The following ADGRL3 variants were observed in gnomAD, a reference collection of about 807,000 sequenced individuals.
The protein encoded by ADGRL3 is calcium-independent alpha-latrotoxin receptor 3.
In ADGRL3, 62 loss-of-function variants were observed where a neutral mutation model predicts 153.5. The ratio of observed to expected loss-of-function variants is 0.40; its 90% CI spans 0.33 to 0.50. The LOEUF (loss-of-function observed/expected upper bound fraction) is 0.50, where lower values mean the gene tolerates loss of function less well. Among genes scored for constraint, ADGRL3 ranks in the 20% least tolerant of loss-of-function variants. ADGRL3 has a pLI of 0.47. For missense variants in ADGRL3, 1,641 were observed against 1,859.4 expected (o/e 0.88, Z 2.16); for synonymous variants, 710 against 672.5 (o/e 1.06, Z -0.86).
rs755119168 is a variant in ADGRL3 at position 61,575,926 on chromosome 4, TA to T, written c.260-11299del. Among the ~76,000 whole-genome samples, 30 of 152,168 alleles carry T rather than the reference TA, an allele frequency of 2.0e-4. 1 individual carries two copies. In the East Asian group the frequency reaches 3.1e-3, roughly 16 times the overall value. The stretch of plus-strand genomic sequence containing the variant: ...TTGTGGGAGGGAAAATGTGTTTTAT[TA>T]ACCCCAATGGTATATTTTGTGGTTG... On this transcript the variant is annotated intron_variant, in intron 4 of 26. Transcript: ENST00000683033.
chr4:61,409,266 G>GACATACATAATATATATTATATATTAA (rs2097050581), intron 2 of ADGRL3, among the ~76,000 whole-genome samples: 1 of 133,500 alleles, frequency 7.5e-6, no homozygotes, highest in African/African-American at 2.8e-5. Context: ...TTATATATTA[G>GACATACATAATATATATTATATATTAA]ACATACATAA....
At chr4:61,702,873 C>T (rs1302705141) in intron 6 of ADGRL3, among the ~76,000 whole-genome samples, 1 of 152,082 alleles carries the variant, frequency 6.6e-6, no homozygotes, top group African/African-American at 2.4e-5. Flanking sequence ...GTAGTTGAAG[C>T]TTCACTCCTG....
At chr4:61,609,614 A>G (rs1264599740) in intron 5 of ADGRL3, among the ~76,000 whole-genome samples, 1 of 152,114 alleles carries the variant, frequency 6.6e-6, no homozygotes, top group Non-Finnish European at 1.5e-5. Flanking sequence ...TGTTTTGAGT[A>G]TCTTAGAGTT....
At chr4:61,958,465 A>G (rs544671055) in intron 17 of ADGRL3, among the ~76,000 whole-genome samples, 14 of 151,212 alleles carry the variant, frequency 9.3e-5, no homozygotes, top group Non-Finnish European at 1.6e-4. Flanking sequence ...GGATTGTGTT[A>G]GTTCATTTTC....
chr4:61,787,470 T>A (rs2097291018), intron 8 of ADGRL3, among the ~76,000 whole-genome samples: 1 of 152,094 alleles, frequency 6.6e-6, no homozygotes, highest in Non-Finnish European at 1.5e-5. Flanking sequence ...TATTGTATGT[T>A]CTTTACAATT....
intron 25 of ADGRL3, chr4:62,063,534 G>C (rs1240588299): frequency 1.4e-6 from 1 of 695,294 alleles, no homozygotes; most frequent in East Asian, 2.7e-5. Flanking sequence ...TATAAGCAAT[G>C]CTCTGCTTCG....
chr4:61,528,941 C>T (rs968992603), intron 4 of ADGRL3, among the ~76,000 whole-genome samples: 2 of 151,980 alleles, frequency 1.3e-5, no homozygotes, highest in African/African-American at 4.8e-5. Flanking sequence ...CTGTAGTTCA[C>T]TGATATAACC....
chr4:62,015,553 CA>C lies in ADGRL3; in HGVS notation c.3396-13301del, dbSNP rs550726914. On this transcript the variant is annotated intron_variant, in intron 21 of 26. Transcript: ENST00000683033. ...ATTTTCTTTGTAATAGTCATCATCA[CA>C]GTGCTCTGATTTTTCTGCCTCCATT... 3.7e-3 allele frequency among the ~76,000 whole-genome samples: 561 copies of C among 152,240 alleles called. 2 individuals are homozygous for C. Among genetic ancestry groups the C allele is most frequent in the Non-Finnish European group, 5.5e-3 (377 of 68,012 alleles).
intron 8 of ADGRL3, among the ~76,000 whole-genome samples, chr4:61,762,340 T>G (rs1260557831): frequency 6.6e-6 from 1 of 152,174 alleles, no homozygotes; most frequent in Non-Finnish European, 1.5e-5. Flanking sequence ...ATGCTTCTTA[T>G]GTAATTCAGT....
At chr4:61,980,678 C>T (rs773852253) in intron 18 of ADGRL3, among the ~76,000 whole-genome samples, 2 of 151,992 alleles carry the variant, frequency 1.3e-5, no homozygotes, top group Non-Finnish European at 2.9e-5. Flanking sequence ...TGGATTCAAT[C>T]GATCCACCCG....
intron 17 of ADGRL3, among the ~76,000 whole-genome samples, chr4:61,976,290 C>T (rs542598999): frequency 1.1e-4 from 16 of 152,254 alleles, no homozygotes; most frequent in African/African-American, 3.6e-4. Context: ...TTTAATTCAA[C>T]TGGTCTTCCT....
chr4:61,263,355 G>A (rs1236900740), intron 1 of ADGRL3, among the ~76,000 whole-genome samples: 1 of 150,788 alleles, frequency 6.6e-6, no homozygotes, highest in African/African-American at 2.4e-5. Flanking sequence ...AAAATATTAG[G>A]CTATTCCTAA....
In ADGRL3 at chr4:61,991,576, T is replaced by A. The variant is rs369313810; in HGVS notation, c.3237-4715T>A. On this transcript the variant is annotated intron_variant, in intron 19 of 26. Coordinates refer to ENST00000683033, the MANE Select transcript of ADGRL3 (RefSeq NM_001387552.1). ...AGTGTTTAATTCTAAGATCCAAAAC[T>A]GTAGCAGAACCTCAAATGCTAGTCT... Among the ~76,000 whole-genome samples the A allele has an allele frequency of 1.3e-4, 20 of 152,180 alleles. No individual in the cohort carries two copies. In the East Asian group the frequency reaches 3.3e-3, roughly 25 times the overall value.
chr4:61,764,782 G>T (rs1448780349), intron 8 of ADGRL3, among the ~76,000 whole-genome samples: 1 of 151,966 alleles, frequency 6.6e-6, no homozygotes, highest in Non-Finnish European at 1.5e-5. Context: ...GTGGTATGGA[G>T]AGAGAATGGT....
At chr4:61,243,432 G>T (rs1275940902) in intron 1 of ADGRL3, among the ~76,000 whole-genome samples, 6 of 151,930 alleles carry the variant, frequency 3.9e-5, no homozygotes, top group Admixed American at 3.9e-4. Context: ...GACACATGAG[G>T]TCCCACCCAA....
chr4:61,743,983 C>T (rs1227285342), intron 8 of ADGRL3, among the ~76,000 whole-genome samples: 2 of 152,146 alleles, frequency 1.3e-5, no homozygotes, highest in Admixed American at 6.5e-5. Context: ...ACAGACAGCA[C>T]CTGGAAAATC....
chr4:61,821,353 A>ATTTG (rs1247157319), intron 9 of ADGRL3, among the ~76,000 whole-genome samples: 1 of 122,658 alleles, frequency 8.2e-6, no homozygotes, highest in African/African-American at 3.2e-5. Flanking sequence ...TTATTTATTT[A>ATTTG]TTTGTTTATT....
intron 25 of ADGRL3, among the ~76,000 whole-genome samples, chr4:62,065,904 A>T (rs1742739993): frequency 6.6e-6 from 1 of 151,992 alleles, no homozygotes; most frequent in African/African-American, 2.4e-5. Context: ...TATTCTTGGG[A>T]TCTATGACTG....
At chr4:61,338,202 A>C (rs2095722249) in intron 1 of ADGRL3, among the ~76,000 whole-genome samples, 1 of 151,842 alleles carries the variant, frequency 6.6e-6, no homozygotes, top group Non-Finnish European at 1.5e-5. Flanking sequence ...ACCTAGGAGG[A>C]AGAAGCTGTA....
Sources: allele counts gnomAD v4.1 joint callset (sites outside exome capture counted in the v4.1 genomes callset), GRCh38; gene constraint gnomAD v4.1.1; transcripts MANE v1.5; gene names NCBI Gene and HGNC (gene_info 2026-07-23, HGNC 2026-07-21).